STAU2: variants seen among roughly 807,000 people sequenced by gnomAD.
STAU2 encodes double-stranded RNA-binding protein Staufen homolog 2.
A neutral mutation model predicts 65.9 loss-of-function variants in STAU2; 20 were observed. The observed-to-expected ratio is 0.30, with a 90% CI of 0.21 to 0.44. The LOEUF (loss-of-function observed/expected upper bound fraction) is 0.44, where lower values mean the gene tolerates loss of function less well. STAU2 is among the 20% of genes least tolerant of loss of function. The pLI, the probability that STAU2 is intolerant of heterozygous loss-of-function variation, is 1.00. For missense variants in STAU2, 558 were observed against 683.9 expected, an observed-to-expected ratio of 0.82 and a Z score of 2.05; for synonymous variants, 232 against 233.9, an observed-to-expected ratio of 0.99 and a Z score of 0.07.
chr8:73,609,034 G>C lies in STAU2; in HGVS notation c.891+4710C>G, dbSNP rs571365221. ...CAGCAGTTTCAGCAGCTGGATGTTT[G>C]TGCCAGTCACTGAGATAAAGAATGC... On this transcript the variant is annotated intron_variant, in intron 9 of 14. Transcript: ENST00000524300. 2.6e-5 allele frequency among the ~76,000 whole-genome samples: 4 copies of C among 152,276 alleles called. No homozygotes were observed. The South Asian group carries it at 8.3e-4, about 32-fold the overall frequency.
Position 73,591,882 on chromosome 8 carries a change from TAAAAAAAAAAAAAAAAAAA to T in STAU2, c.1161+3265_1161+3283del, listed in dbSNP as rs34533172. 4.7e-3 allele frequency among the ~76,000 whole-genome samples: 135 copies of T among 28,486 alleles called. 3 individuals carry two copies. Among genetic ancestry groups the T allele is most frequent in the Admixed American group, 0.021 (34 of 1,636 alleles). The allele number at this position is 28,486 out of a possible 152,430, so 18.7% of individuals were successfully genotyped here. ...ACCCATACAGCGTGTATCCCAGAGG[TAAAAAAAAAAAAAAAAAAA>T]AAAAAAAAAAAAACAAGAGAGAGAC... On this transcript the variant is annotated intron_variant, in intron 11 of 14. Coordinates refer to ENST00000524300, the MANE Select transcript of STAU2 (RefSeq NM_001164380.2).
At chr8:73,735,708 G>A (rs1028347428) in intron 3 of STAU2, among the ~76,000 whole-genome samples, 1 of 152,166 alleles carries the variant, frequency 6.6e-6, no homozygotes, top group East Asian at 1.9e-4. Flanking sequence ...CACTGTGTAC[G>A]ATTTCTAGCC....
intron 13 of STAU2, among the ~76,000 whole-genome samples, chr8:73,503,012 C>T (rs1275062077): frequency 6.6e-6 from 1 of 152,044 alleles, no homozygotes; most frequent in Non-Finnish European, 1.5e-5. Context: ...AATCTCCTTT[C>T]AAAAGCAAAC....
chr8:73,556,613 T>C (rs980484167), intron 12 of STAU2, among the ~76,000 whole-genome samples: 2 of 152,058 alleles, frequency 1.3e-5, no homozygotes, highest in African/African-American at 2.4e-5. Flanking sequence ...AAAAATTAGC[T>C]GGACGTAGTG....
intron 3 of STAU2, among the ~76,000 whole-genome samples, chr8:73,730,729 AAAAAAAAAAAAAAAAAAAAGAC>A (rs1563535153): frequency 3.1e-5 from 2 of 64,618 alleles, no homozygotes; most frequent in Non-Finnish European, 5.3e-5. Flanking sequence ...TACGTCTTTC[AAAAAAAAAAAAAAAAAAAAGAC>A]AAAAAAAAAA....
chr8:73,600,421 G>A (rs1227264209), intron 10 of STAU2, among the ~76,000 whole-genome samples: 2 of 152,100 alleles, frequency 1.3e-5, no homozygotes, highest in Admixed American at 6.5e-5. Flanking sequence ...CTCTGAGAAG[G>A]ACAAATCTAG....
chr8:73,669,985 C>G (rs1563495462), intron 6 of STAU2, among the ~76,000 whole-genome samples: 2 of 152,028 alleles, frequency 1.3e-5, no homozygotes, highest in African/African-American at 4.8e-5. Context: ...TCTCATAAAT[C>G]TATTTACTAG....
intron 13 of STAU2, among the ~76,000 whole-genome samples, chr8:73,542,255 C>T (rs574823119): frequency 6.6e-6 from 1 of 152,228 alleles, no homozygotes; most frequent in East Asian, 1.9e-4. Flanking sequence ...CATACATGGT[C>T]CTGTAACAAC....
At chr8:73,576,977 CCT>C (rs1809608097) in intron 12 of STAU2, among the ~76,000 whole-genome samples, 1 of 152,162 alleles carries the variant, frequency 6.6e-6, no homozygotes, top group Admixed American at 6.5e-5. Context: ...TCCCCATAGA[CCT>C]CTTAGAATAC....
intron 13 of STAU2, among the ~76,000 whole-genome samples, chr8:73,526,262 T>C (rs1805449068): frequency 6.6e-6 from 1 of 152,202 alleles, no homozygotes; most frequent in South Asian, 2.1e-4. Flanking sequence ...TCCATCCAGG[T>C]AGCTGCAGCA....
At position 73,709,126 on chromosome 8, in the gene STAU2, TTC is replaced by T; in HGVS notation, c.18_19del (p.Lys7AsnfsTer8). The stretch of plus-strand genomic sequence containing the variant: ...CTCATTTACCAGACACATTGCAGTT[TTC>T]TCTTTTGGGTTTGCCATTTTATCTT... On this transcript the variant is annotated frameshift_variant, in exon 4 of 15. Transcript: ENST00000524300. LOFTEE classifies it high-confidence loss of function. 6.5e-7 allele frequency: 1 copy of T among 1,531,580 alleles called. No individual in the cohort carries two copies. The highest frequency in any genetic ancestry group is 2.5e-5 in the East Asian group (1 of 40,702). The allele number at this position is 1,531,580 out of a possible 1,614,324, so 94.9% of individuals were successfully genotyped here. A position where few individuals can be genotyped will look rare whatever the true frequency, so the allele number is the denominator to read the frequency against.
chr8:73,556,672 G>A (rs1479179318), intron 12 of STAU2, among the ~76,000 whole-genome samples: 7 of 152,124 alleles, frequency 4.6e-5, no homozygotes, highest in African/African-American at 1.2e-4. Flanking sequence ...CAGGAGAATC[G>A]CTTGAACCCG....
At chr8:73,624,150 A>G (rs1457288831) in intron 6 of STAU2, among the ~76,000 whole-genome samples, 2 of 152,196 alleles carry the variant, frequency 1.3e-5, no homozygotes, top group Non-Finnish European at 2.9e-5. Context: ...AATGGAAAAA[A>G]AAATACTTAA....
upstream of STAU2, chr8:73,747,180 G>T (rs965645715): frequency 1.8e-6 from 1 of 544,202 alleles, no homozygotes; most frequent in East Asian, 3.5e-5. Context: ...TTCCCGGGGG[G>T]CTTGGGCACG....
intron 6 of STAU2, among the ~76,000 whole-genome samples, chr8:73,649,377 C>T (rs1033499302): frequency 1.3e-5 from 2 of 152,104 alleles, no homozygotes; most frequent in African/African-American, 4.8e-5. Flanking sequence ...AACACTGCTC[C>T]CCATTACCCC....
At chr8:73,494,264 C>A (rs1196166376) in intron 13 of STAU2, among the ~76,000 whole-genome samples, 1 of 151,576 alleles carries the variant, frequency 6.6e-6, no homozygotes, top group African/African-American at 2.4e-5. Context: ...TCTTTGAAAT[C>A]CAATACAAAA....
chr8:73,577,482 G>A (rs1253004022), intron 12 of STAU2, among the ~76,000 whole-genome samples: 1 of 149,920 alleles, frequency 6.7e-6, no homozygotes, highest in Non-Finnish European at 1.5e-5. Context: ...TAATATTTAT[G>A]TTTAAATGCA....
At chr8:73,473,888 G>A (rs956571769) in intron 13 of STAU2, among the ~76,000 whole-genome samples, 1 of 152,170 alleles carries the variant, frequency 6.6e-6, no homozygotes, top group Non-Finnish European at 1.5e-5. Context: ...TGAGAAAAAA[G>A]GAGATGGAAG....
At chr8:73,672,718 G>A (rs1005171229) in intron 6 of STAU2, among the ~76,000 whole-genome samples, 7 of 151,752 alleles carry the variant, frequency 4.6e-5, no homozygotes, top group Admixed American at 1.3e-4. Context: ...AAACATTCAT[G>A]TTCACTAATG....
Sources: gnomAD v4.1 joint callset for allele counts (sites outside exome capture counted in the v4.1 genomes callset) on GRCh38, gnomAD v4.1.1 for gene constraint, MANE v1.5 for transcripts, NCBI Gene and HGNC (gene_info 2026-07-23, HGNC 2026-07-21) for gene names.